FAM78A: variants seen among roughly 807,000 people sequenced by gnomAD.
The protein encoded by FAM78A is protein FAM78A.
A neutral mutation model predicts 22.6 loss-of-function variants in FAM78A; 12 were observed. That is an observed-to-expected ratio of 0.53 (90% CI 0.34 to 0.86). The LOEUF (loss-of-function observed/expected upper bound fraction) is 0.86, where lower values mean the gene tolerates loss of function less well. Ranked by LOEUF, FAM78A falls within the 40% of genes least tolerant of loss-of-function variation. The pLI, the probability that FAM78A is intolerant of heterozygous loss-of-function variation, is 0.02. For missense variants in FAM78A, 322 were observed against 396.1 expected (o/e 0.81, Z 1.59); for synonymous variants, 151 against 155.8 (o/e 0.97, Z 0.23).
At position 131,260,792 on chromosome 9, in the gene FAM78A, TG is replaced by T; in HGVS notation, c.*29del. 6.6e-7 allele frequency: 1 copy of T among 1,506,620 alleles called. No homozygotes were observed. The highest frequency in any genetic ancestry group is 8.9e-7 in the Non-Finnish European group (1 of 1,129,052). 93.3% of individuals were successfully genotyped at this position (1,506,620 alleles called of 1,614,324 possible). On this transcript the variant is annotated 3_prime_UTR_variant, in exon 2 of 2. Transcript: ENST00000372271. This position sits in a 1 kb window ranked among gnomAD's most constrained non-coding sequence, Gnocchi z 5.4. ...TTGTTTTCAGCGGTATTATTATTTG[TG>T]AGTCTAACCTAGCGGGTGGTCCTGG...
chr9:131,276,716 G>T (rs1375610090), upstream of FAM78A, among the ~76,000 whole-genome samples: 1 of 151,900 alleles, frequency 6.6e-6, no homozygotes, highest in East Asian at 1.9e-4. This position sits in a 1 kb window ranked among gnomAD's most constrained non-coding sequence, Gnocchi z 4.3. Context: ...CGCCCTCGGG[G>T]CGAGCGCCGA....
Position 131,276,265 on chromosome 9 carries a change from AC to A in FAM78A, c.-87del. The A allele has an allele frequency of 8.7e-7, 1 of 1,152,232 alleles. No individual in the cohort carries two copies. Among genetic ancestry groups the A allele is most frequent in the Non-Finnish European group, 1.2e-6 (1 of 813,018 alleles). 71.4% of individuals were successfully genotyped at this position (1,152,232 alleles called of 1,614,324 possible). A position where few individuals can be genotyped will look rare whatever the true frequency, so the allele number is the denominator to read the frequency against. On this transcript the variant is annotated 5_prime_UTR_variant, in exon 1 of 2. The change abolishes the stop of an existing upstream ORF in the 5' untranslated region. Coordinates refer to ENST00000372271, the MANE Select transcript of FAM78A (RefSeq NM_033387.4). This position sits in a 1 kb window ranked among gnomAD's most constrained non-coding sequence, Gnocchi z 4.3. Reference sequence around the variant, plus strand: ...AAGACCGATATCCATAGGATAGAAAACTCACTGAGTAGACTGGGGTTGCATA... The same window carrying A: ...AAGACCGATATCCATAGGATAGAAAATCACTGAGTAGACTGGGGTTGCATA...
At chr9:131,271,403 G>T (rs1246968319) in intron 1 of FAM78A, among the ~76,000 whole-genome samples, 1 of 152,166 alleles carries the variant, frequency 6.6e-6, no homozygotes, top group African/African-American at 2.4e-5. Flanking sequence ...GGTATTGACG[G>T]CTACCATATA....
chr9:131,277,202 C>T (rs867859405), upstream of FAM78A, among the ~76,000 whole-genome samples: 8 of 151,630 alleles, frequency 5.3e-5, 1 homozygote, highest in Middle Eastern at 6.8e-3. This position sits in a 1 kb window ranked among gnomAD's most constrained non-coding sequence, Gnocchi z 8.4. Context: ...CCCGGACGGG[C>T]GGGGTGGGGG....
At chr9:131,277,222 T>C (rs1835498608), upstream of FAM78A, among the ~76,000 whole-genome samples, 1 of 151,648 alleles carries the variant, frequency 6.6e-6, no homozygotes, top group South Asian at 2.1e-4. The surrounding 1 kb of genome is among the most constrained non-coding windows in gnomAD (Gnocchi z 8.4). Flanking sequence ...GGCGAGCGGC[T>C]GCCGCTGCAG....
intron 1 of FAM78A, chr9:131,264,362 A>G: frequency 1.9e-6 from 1 of 526,258 alleles, no homozygotes; most frequent in East Asian, 3.2e-5. Flanking sequence ...CACGCGGGGC[A>G]TGGCTCAGGG....
intron 1 of FAM78A, chr9:131,270,510 G>T: frequency 1.4e-6 from 1 of 715,548 alleles, no homozygotes; most frequent in Non-Finnish European, 2.6e-6. Context: ...GAGGGCTGCA[G>T]CAATCCCTTG....
rs977430527 is a variant in FAM78A, at chr9:131,276,247, A to C, written c.-68T>G. The C allele has an allele frequency of 7.4e-7, 1 of 1,351,212 alleles. No homozygotes were observed. Among genetic ancestry groups the C allele is most frequent in the Non-Finnish European group, 1.0e-6 (1 of 976,216 alleles). The allele number at this position is 1,351,212 out of a possible 1,614,324, so 83.7% of individuals were successfully genotyped here. ...TCTCCAATCTCAACTCTCAAGACCGATATCCATAGGATAGAAAACTCACTG... is the reference window on the plus strand; with the variant it reads ...TCTCCAATCTCAACTCTCAAGACCGCTATCCATAGGATAGAAAACTCACTG... On this transcript the variant is annotated 5_prime_UTR_variant, in exon 1 of 2. It introduces an in-frame stop codon into an upstream open reading frame of the 5' UTR. Coordinates refer to ENST00000372271, the MANE Select transcript of FAM78A (RefSeq NM_033387.4). This position sits in a 1 kb window ranked among gnomAD's most constrained non-coding sequence, Gnocchi z 4.3.
chr9:131,261,130 T>C lies in FAM78A; in HGVS notation c.544A>G (p.Asn182Asp), dbSNP rs1564235038. 2 of 1,614,076 alleles carry C rather than the reference T, an allele frequency of 1.2e-6. No homozygotes were observed. Among genetic ancestry groups the C allele is most frequent in the Non-Finnish European group, 1.7e-6 (2 of 1,179,956 alleles). Residue 182 changes from asparagine to aspartate, a missense_variant, in exon 2 of 2, where the codon AAT (asparagine) becomes GAT (aspartate). Asn to Asp is a conservative substitution (Grantham distance 23, BLOSUM62 1). Coordinates refer to ENST00000372271, the MANE Select transcript of FAM78A (RefSeq NM_033387.4). The surrounding 1 kb of genome is among the most constrained non-coding windows in gnomAD (Gnocchi z 7.1). ...GTGAAGCTCTGGTCCCGGTAGATAT[T>C]GGTGAGCTTGGCCACGTTGCTCTCG... ...VSESNVAKLTNIYRDQSFTTW... is the reference protein window; with the variant it reads ...VSESNVAKLTDIYRDQSFTTW...
chr9:131,276,157 C>A lies in FAM78A; in HGVS notation c.23G>T (p.Cys8Phe). The part of the protein sequence containing the change: MPGFFCD[C>F]WPSLEIRALL... ...CGCTCTGATCTCCAGGGAAGGCCAG[C>A]AGTCACAGAAAAAACCAGGCATTGA... Residue 8 changes from cysteine to phenylalanine, a missense_variant, in exon 1 of 2, where the codon TGC (cysteine) becomes TTC (phenylalanine). Cys to Phe is a radical substitution (Grantham distance 205). Transcript: ENST00000372271. This position sits in a 1 kb window ranked among gnomAD's most constrained non-coding sequence, Gnocchi z 4.3. The A allele has an allele frequency of 1.2e-6, 2 of 1,612,136 alleles. No homozygotes were observed. The highest frequency in any genetic ancestry group is 8.5e-7 in the Non-Finnish European group (1 of 1,179,250).
chr9:131,271,897 G>C (rs1003842716), intron 1 of FAM78A, among the ~76,000 whole-genome samples: 1 of 151,978 alleles, frequency 6.6e-6, no homozygotes, highest in South Asian at 2.1e-4. Context: ...ATTTGGATGG[G>C]GGGGGTTGGC....
chr9:131,266,501 A>C (rs1300510314), intron 1 of FAM78A, among the ~76,000 whole-genome samples: 14 of 136,068 alleles, frequency 1.0e-4, no homozygotes, highest in Non-Finnish European at 1.3e-4. Context: ...CTCCTCCTCC[A>C]CTCCTCTTTC....
upstream of FAM78A, among the ~76,000 whole-genome samples, chr9:131,280,121 A>G (rs1035142760): frequency 6.6e-5 from 10 of 152,238 alleles, no homozygotes; most frequent in Non-Finnish European, 1.5e-5. Context: ...AGAAGGGACC[A>G]GGAAGCATCA....
chr9:131,278,749 T>C (rs1835515129), upstream of FAM78A, among the ~76,000 whole-genome samples: 1 of 152,172 alleles, frequency 6.6e-6, no homozygotes, highest in South Asian at 2.1e-4. Flanking sequence ...CAGCCAGCCG[T>C]AGGGAAAGCC....
rs1018235668 is a variant in FAM78A, at chr9:131,265,716, C to T, written c.324-4366G>A. ...CAACCTGAGATTTTCAATGCTGAGACGGCAGAGCCTTGAACCACGCTCAGG... is the reference window on the plus strand; with the variant it reads ...CAACCTGAGATTTTCAATGCTGAGATGGCAGAGCCTTGAACCACGCTCAGG... On this transcript the variant is annotated intron_variant, in intron 1 of 1. Transcript: ENST00000372271. This position sits in a 1 kb window ranked among gnomAD's most constrained non-coding sequence, Gnocchi z 4.3. 8.5e-5 allele frequency among the ~76,000 whole-genome samples: 13 copies of T among 152,276 alleles called. No homozygotes were observed. The highest frequency in any genetic ancestry group is 2.2e-4 in the African/African-American group (9 of 41,562).
chr9:131,264,846 C>T (rs1041922622), intron 1 of FAM78A: 28 of 508,138 alleles, frequency 5.5e-5, no homozygotes, highest in African/African-American at 5.3e-4. Flanking sequence ...GCCTCAGCCT[C>T]CTGAGTAGGT....
chr9:131,276,126 C>T lies in FAM78A; in HGVS notation c.54G>A (p.Leu18=), dbSNP rs1835481147. ...CWPSLEIRAL[L]YAMGCIQSIG... is the part of the protein sequence containing the mutation. ...TGCTCTGAATACAGCCCATGGCATA[C>T]AGGAGCGCTCTGATCTCCAGGGAAG... Residue 18 remains leucine (L), a synonymous_variant, in exon 1 of 2, where the codon CTG becomes CTA. Transcript: ENST00000372271. The surrounding 1 kb of genome is among the most constrained non-coding windows in gnomAD (Gnocchi z 4.3). The T allele has an allele frequency of 6.2e-7, 1 of 1,613,522 alleles. No homozygotes were observed.
At chr9:131,278,921 C>T (rs7874214), upstream of FAM78A, among the ~76,000 whole-genome samples, 1,033 of 152,372 alleles carry the variant, frequency 6.8e-3, 16 homozygotes, top group African/African-American at 0.024. Flanking sequence ...TGTGTGAGGG[C>T]AGGGCTGGAG....
intron 1 of FAM78A, among the ~76,000 whole-genome samples, chr9:131,263,257 AAAAG>A (rs1273360633): frequency 6.6e-6 from 1 of 150,636 alleles, no homozygotes; most frequent in African/African-American, 2.4e-5. Flanking sequence ...AAAAAAAAGA[AAAAG>A]AAAAGAGTTC....
Sources: allele counts gnomAD v4.1 joint callset (sites outside exome capture counted in the v4.1 genomes callset), GRCh38; gene constraint gnomAD v4.1.1; non-coding constraint Gnocchi (gnomAD v3.1); transcripts MANE v1.5; gene names NCBI Gene and HGNC (gene_info 2026-07-23, HGNC 2026-07-21).